Variants in ZNF717 observed in about 807,000 individuals in gnomAD.
ZNF717 encodes the protein krueppel-like factor X17.
A neutral mutation model predicts 13.8 loss-of-function variants in ZNF717; 9 were observed. The ratio of observed to expected loss-of-function variants is 0.65; its 90% CI spans 0.39 to 1.14. The LOEUF (loss-of-function observed/expected upper bound fraction) is 1.14. Among genes scored for constraint, ZNF717 ranks in the 50% most tolerant of loss-of-function variants. The pLI is 0.01. For missense variants in ZNF717, 1,040 were observed against 1,080.7 expected (o/e 0.96, Z 0.53); for synonymous variants, 327 against 364.1 (o/e 0.90, Z 1.16).
At chr3:75,777,082 T>G (rs1269633815) in intron 2 of ZNF717, among the ~76,000 whole-genome samples, 2 of 152,252 alleles carry the variant, frequency 1.3e-5, no homozygotes, top group Admixed American at 1.3e-4. Flanking sequence ...TTTTAAGAGT[T>G]TGCATGCAGC....
intron 2 of ZNF717, among the ~76,000 whole-genome samples, chr3:75,774,610 G>GTTTTTT (rs537149833): frequency 1.2e-5 from 1 of 80,218 alleles, no homozygotes; most frequent in South Asian, 4.3e-4. Context: ...AATTCTTGTG[G>GTTTTTT]TTTTTTTTTT....
intron 4 of ZNF717, among the ~76,000 whole-genome samples, chr3:75,721,530 C>T (rs1175320835): frequency 6.6e-6 from 1 of 152,234 alleles, no homozygotes; most frequent in Non-Finnish European, 1.5e-5. Context: ...ATCTGCCCGC[C>T]TCAGCCTCCC....
At chr3:75,765,656 C>T (rs1294465493) in intron 2 of ZNF717, among the ~76,000 whole-genome samples, 1 of 152,116 alleles carries the variant, frequency 6.6e-6, no homozygotes, top group Non-Finnish European at 1.5e-5. Context: ...AAGCAATCCA[C>T]CTCCCCTGGC....
chr3:75,783,725 A>G lies in ZNF717; in HGVS notation c.-2-361T>C, dbSNP rs1217797384. Among the ~76,000 whole-genome samples the G allele has an allele frequency of 4.6e-5, 7 of 152,248 alleles. No individual in the cohort carries two copies. In the East Asian group the frequency reaches 1.2e-3, roughly 25 times the overall value. On this transcript the variant is annotated intron_variant, in intron 1 of 4. Transcript: ENST00000652011. ...ATGTTATAGAAATATACTGGGCTGT[A>G]TTAACTATTTTCCTATTAATATGTG...
chr3:75,714,750 C>T lies in ZNF717; in HGVS notation n.667+1669G>A, dbSNP rs77786041. Among the ~76,000 whole-genome samples the T allele has an allele frequency of 9.2e-5, 14 of 151,932 alleles. No homozygotes were observed. The South Asian group carries it at 1.7e-3, about 18-fold the overall frequency. On this transcript the variant is annotated intron_variant and non_coding_transcript_variant, in intron 5 of 5. Transcript: ENST00000491507. ...TTTTATTTTACCACTAATTTTAGAA[C>T]AGTTTATTTATCACAGATTTAATTA...
rs765947465 is a variant in ZNF717 at position 75,745,153 on chromosome 3, G to GTT, written c.58-3419_58-3418dup. Among the ~76,000 whole-genome samples, 117 of 118,174 alleles carry GTT rather than the reference G, an allele frequency of 9.9e-4. 1 individual carries two copies. Among genetic ancestry groups the GTT allele is most frequent in the East Asian group, 3.0e-3 (14 of 4,656 alleles). 77.5% of individuals were successfully genotyped at this position (118,174 alleles called of 152,430 possible). ...CCTCACAACACTGCTGCTGTGGTCT[G>GTT]TTGTTTTTTTTTTTCTTTCTGTCTT... On this transcript the variant is annotated intron_variant, in intron 2 of 4. Transcript: ENST00000652011.
intron 2 of ZNF717, among the ~76,000 whole-genome samples, chr3:75,777,035 G>A (rs62269663): frequency 0.32 from 45,498 of 143,054 alleles, 8,165 homozygotes; most frequent in African/African-American, 0.52. Flanking sequence ...CCCAGTAGTC[G>A]TAAGAGTCTC....
chr3:75,720,442 A>C (rs3009056), intron 4 of ZNF717, among the ~76,000 whole-genome samples: 63,208 of 151,852 alleles, frequency 0.42, 13,579 homozygotes, highest in South Asian at 0.61. Flanking sequence ...TCTTAGGTAC[A>C]CACAGACGTA....
At chr3:75,767,705 C>G (rs943619005) in intron 2 of ZNF717, among the ~76,000 whole-genome samples, 1 of 152,180 alleles carries the variant, frequency 6.6e-6, no homozygotes, top group African/African-American at 2.4e-5. Flanking sequence ...TCTCAGGGAT[C>G]TGCCTAAGGA....
downstream of ZNF717, among the ~76,000 whole-genome samples, chr3:75,725,695 G>A (rs141002006): frequency 1.4e-5 from 1 of 71,910 alleles, no homozygotes; most frequent in African/African-American, 3.3e-5. Context: ...CAGCAGACAA[G>A]AGAGAGCATG....
intron 6 of ZNF717, among the ~76,000 whole-genome samples, chr3:75,704,369 A>G (rs1248935432): frequency 6.6e-6 from 1 of 152,310 alleles, no homozygotes; most frequent in Admixed American, 6.5e-5. Flanking sequence ...AGGGACGCCA[A>G]GACAAGACCC....
intron 6 of ZNF717, among the ~76,000 whole-genome samples, chr3:75,697,152 T>C (rs1937612780): frequency 6.6e-6 from 1 of 152,310 alleles, no homozygotes; most frequent in Non-Finnish European, 1.5e-5. Flanking sequence ...CCACTGTTAT[T>C]CAACATAATT....
intron 2 of ZNF717, among the ~76,000 whole-genome samples, chr3:75,744,592 G>T (rs1161521695): frequency 1.4e-5 from 2 of 146,096 alleles, no homozygotes; most frequent in African/African-American, 5.0e-5. Context: ...ACTGGTGAAC[G>T]GCTGGAGGAT....
At chr3:75,771,997 G>T (rs1277925140) in intron 2 of ZNF717, among the ~76,000 whole-genome samples, 4 of 152,222 alleles carry the variant, frequency 2.6e-5, no homozygotes, top group Non-Finnish European at 4.4e-5. Flanking sequence ...CCAGCCCCCT[G>T]TCACCTCGCC....
intron 2 of ZNF717, among the ~76,000 whole-genome samples, chr3:75,773,915 G>A (rs1234707179): frequency 6.6e-6 from 1 of 152,186 alleles, no homozygotes; most frequent in Non-Finnish European, 1.5e-5. Flanking sequence ...TGGGCATGGT[G>A]GTGCATGCCT....
At chr3:75,731,061 C>A (rs1201025269), downstream of ZNF717, among the ~76,000 whole-genome samples, 2 of 151,898 alleles carry the variant, frequency 1.3e-5, no homozygotes, top group Non-Finnish European at 2.9e-5. Flanking sequence ...GTCAACATGG[C>A]AAAACCCTGT....
In ZNF717 at chr3:75,738,707, T is replaced by C; in HGVS notation, c.916A>G (p.Thr306Ala). The C allele has an allele frequency of 1.9e-6, 3 of 1,551,818 alleles. No individual in the cohort carries two copies. In the Admixed American group the frequency reaches 5.9e-5, roughly 30 times the overall value. The change falls in exon 5 of 5, where the codon ACT (threonine) becomes GCT (alanine). Residue 306 changes from threonine (T) to alanine (A), a missense_variant. Thr to Ala is a moderately conservative substitution (Grantham distance 58, BLOSUM62 0). Transcript: ENST00000652011. ...TTACAGGCATAAGGTTTTTCCTCAG[T>C]AGGCATCTTGCACTGTAGCATAAGG... ...SDLMLQCKMP[T>A]EEKPYACNWC...
At chr3:75,756,023 T>G (rs1942441750) in intron 2 of ZNF717, among the ~76,000 whole-genome samples, 1 of 149,572 alleles carries the variant, frequency 6.7e-6, no homozygotes, top group Non-Finnish European at 1.5e-5. Context: ...TTTTACATAT[T>G]GAAGGTTTGT....
chr3:75,750,038 T>C (rs62266556), intron 2 of ZNF717, among the ~76,000 whole-genome samples: 12,219 of 151,826 alleles, frequency 0.08, 913 homozygotes, highest in African/African-American at 0.17. Context: ...TCACATAGGA[T>C]TCCAGAACAC....
Sources: allele counts gnomAD v4.1 joint callset (sites outside exome capture counted in the v4.1 genomes callset), GRCh38; gene constraint gnomAD v4.1.1; transcripts MANE v1.5; gene names NCBI Gene and HGNC (gene_info 2026-07-23, HGNC 2026-07-21).